Variants in WHAMM observed in about 807,000 individuals in gnomAD.
The protein encoded by WHAMM is WASP homolog associated with actin, golgi membranes and microtubules.
In WHAMM, 67 loss-of-function variants were observed where a neutral mutation model predicts 76.5. The observed-to-expected ratio is 0.88, with a 90% CI of 0.72 to 1.07. The LOEUF (loss-of-function observed/expected upper bound fraction) is 1.07. WHAMM is among the 50% of genes least tolerant of loss of function. WHAMM has a pLI of 0.00. For synonymous variants in WHAMM, 419 were observed against 422.1 expected (o/e 0.99, Z 0.09); for missense variants, 1,021 against 1,051.1 (o/e 0.97, Z 0.40).
At chr15:82,830,552 T>A (rs1241509514) in intron 8 of WHAMM, 47 bp from the exon 9 acceptor site, 1 of 1,576,512 alleles carries the variant, frequency 6.3e-7, no homozygotes. Context: ...AGCATTTTGA[T>A]GGTTTGCACT....
chr15:82,817,268 A>G (rs1218351231), intron 3 of WHAMM, among the ~76,000 whole-genome samples: 2 of 152,234 alleles, frequency 1.3e-5, no homozygotes, highest in East Asian at 3.8e-4. Context: ...AAGTTGGCAA[A>G]TTAGGAGCTT....
In WHAMM at chr15:82,833,490, C is replaced by CT; in HGVS notation, c.2385dup (p.Glu796Ter). On this transcript the variant is annotated frameshift_variant, in exon 10 of 10. Coordinates refer to ENST00000286760, the MANE Select transcript of WHAMM (RefSeq NM_001080435.3). LOFTEE classifies it high-confidence loss of function. ...AGAATCAAGAGGGTGTCTGCTGACT[C>CT]TGAGGAGGACAGTGATGAGCAGGAC... 6.2e-7 allele frequency: 1 copy of CT among 1,613,988 alleles called. No individual in the cohort carries two copies. The highest frequency in any genetic ancestry group is 1.1e-5 in the South Asian group (1 of 91,076).
intron 5 of WHAMM, among the ~76,000 whole-genome samples, chr15:82,820,028 G>GA (rs777345181): frequency 4.6e-4 from 62 of 134,034 alleles, no homozygotes; most frequent in Non-Finnish European, 5.4e-4. Context: ...TCTTGAAAAG[G>GA]AAAAAAAAAA....
At position 82,814,960 on chromosome 15, in the gene WHAMM, T is replaced by C. The variant is rs187075148; in HGVS notation, c.783+1684T>C. ...AATTTTTTTGTATTTTTAGTAGAGA[T>C]GGGGTTTCAACATGTTAGCCAGGAT... On this transcript the variant is annotated intron_variant, in intron 2 of 9. Coordinates refer to ENST00000286760, the MANE Select transcript of WHAMM (RefSeq NM_001080435.3). Among the ~76,000 whole-genome samples the C allele has an allele frequency of 3.9e-3, 575 of 148,746 alleles. 10 individuals carry two copies. The East Asian group carries it at 0.066, about 17-fold the overall frequency.
rs1340419921 is a variant in WHAMM, at chr15:82,831,061, G to A, written c.2104G>A (p.Glu702Lys). 2 of 1,607,426 alleles carry A rather than the reference G, an allele frequency of 1.2e-6. No homozygotes were observed. The highest frequency in any genetic ancestry group is 1.7e-6 in the Non-Finnish European group (2 of 1,179,626). The change falls in exon 9 of 10, where the codon GAA becomes AAA. Residue 702 changes from glutamate to lysine, a missense_variant. Glu to Lys is a moderately conservative substitution (Grantham distance 56, BLOSUM62 1). This residue lies in a region of WHAMM where 509 missense variants were observed against 492.3 expected (regional missense o/e 1.03). Transcript: ENST00000286760. ...SPAERPRDSL[E>K]SFSCPGSMDE... Reference sequence around the variant, plus strand: ...TGCTGAGCGACCACGTGACTCCTTGGAAAGTTTTTCATGTCCAGGTAATCC... The same window carrying A: ...TGCTGAGCGACCACGTGACTCCTTGAAAAGTTTTTCATGTCCAGGTAATCC...
chr15:82,816,942 C>G, intron 3 of WHAMM, 100 bp downstream of exon 3: 1 of 1,217,360 alleles, frequency 8.2e-7, no homozygotes, highest in Non-Finnish European at 1.1e-6. Flanking sequence ...ACTATGTTTT[C>G]TAGGTGCTGA....
At chr15:82,819,977 G>A (rs764855954) in intron 5 of WHAMM, among the ~76,000 whole-genome samples, 6 of 151,398 alleles carry the variant, frequency 4.0e-5, no homozygotes, top group African/African-American at 1.2e-4. Context: ...AGCCAAGATC[G>A]TGCCACTCCA....
intron 5 of WHAMM, among the ~76,000 whole-genome samples, chr15:82,821,359 C>T (rs898458848): frequency 4.6e-5 from 7 of 152,230 alleles, no homozygotes; most frequent in East Asian, 1.9e-4. Context: ...GTTTTCTTTT[C>T]GTATGTTTAT....
At chr15:82,823,426 A>G in intron 6 of WHAMM, 139 bp downstream of exon 6, 3 of 701,564 alleles carry the variant, frequency 4.3e-6, no homozygotes, top group Non-Finnish European at 6.1e-6. Flanking sequence ...CCATGGCTAT[A>G]GTTAAAATGC....
At chr15:82,824,134 A>AT (rs1022613814) in intron 6 of WHAMM, among the ~76,000 whole-genome samples, 12 of 137,220 alleles carry the variant, frequency 8.7e-5, no homozygotes, top group African/African-American at 3.2e-4. Context: ...TTTTATATGT[A>AT]TTTACTCATA....
chr15:82,832,753 C>T (rs541009118), intron 9 of WHAMM, among the ~76,000 whole-genome samples: 1 of 152,286 alleles, frequency 6.6e-6, no homozygotes, highest in South Asian at 2.1e-4. Flanking sequence ...TCATCACTGA[C>T]TAATACCCAA....
intron 5 of WHAMM, among the ~76,000 whole-genome samples, chr15:82,820,008 C>T (rs1431167036): frequency 6.7e-6 from 1 of 149,380 alleles, no homozygotes; most frequent in Non-Finnish European, 1.5e-5. Flanking sequence ...GACAACAGGG[C>T]GAGACTCCAT....
intron 8 of WHAMM, among the ~76,000 whole-genome samples, chr15:82,829,791 A>C (rs1566998497): frequency 6.6e-6 from 1 of 152,000 alleles, no homozygotes; most frequent in South Asian, 2.1e-4. Flanking sequence ...TTTGAGATAT[A>C]TTCATGTTAA....
intron 5 of WHAMM, among the ~76,000 whole-genome samples, chr15:82,822,837 TAC>T (rs57272275): frequency 6.6e-5 from 10 of 151,746 alleles, no homozygotes; most frequent in Non-Finnish European, 1.0e-4. Context: ...TATATATATA[TAC>T]ACACATATGT....
Position 82,833,601 on chromosome 15 carries a change from T to G in WHAMM, c.*65T>G, listed in dbSNP as rs1302753977. On this transcript the variant is annotated 3_prime_UTR_variant, in exon 10 of 10. Transcript: ENST00000286760. ...ATAAAGTGGGTGAGTCTTAGACCTATCGAAAAGCATACTAACAGGGTGCTG... is the reference window on the plus strand; with the variant it reads ...ATAAAGTGGGTGAGTCTTAGACCTAGCGAAAAGCATACTAACAGGGTGCTG... The G allele has an allele frequency of 2.6e-6, 4 of 1,529,714 alleles. No homozygotes were observed. The highest frequency in any genetic ancestry group is 3.5e-6 in the Non-Finnish European group (4 of 1,134,572). The allele number at this position is 1,529,714 out of a possible 1,614,324, so 94.8% of individuals were successfully genotyped here.
chr15:82,810,346 C>A lies in WHAMM; in HGVS notation c.609+11C>A. 7.7e-7 allele frequency: 1 copy of A among 1,305,900 alleles called. No individual in the cohort carries two copies. 80.9% of individuals were successfully genotyped at this position (1,305,900 alleles called of 1,614,324 possible). ...GCGCGGCTGCGCCAGGTAAGCGAGGCCCGGTCGCCGGCGTTCGTCCGCGCT... is the reference window on the plus strand; with the variant it reads ...GCGCGGCTGCGCCAGGTAAGCGAGGACCGGTCGCCGGCGTTCGTCCGCGCT... On this transcript the variant is annotated intron_variant, in intron 1 of 9. Coordinates refer to ENST00000286760, the MANE Select transcript of WHAMM (RefSeq NM_001080435.3).
intron 6 of WHAMM, among the ~76,000 whole-genome samples, chr15:82,824,349 A>G (rs1272147936): frequency 1.3e-5 from 2 of 150,678 alleles, no homozygotes; most frequent in Non-Finnish European, 1.5e-5. Context: ...TATTTTTGAG[A>G]TGGGAGTCTC....
chr15:82,832,909 C>G (rs780157637), intron 9 of WHAMM, among the ~76,000 whole-genome samples: 5 of 152,166 alleles, frequency 3.3e-5, no homozygotes, highest in African/African-American at 7.2e-5. Flanking sequence ...TAACACTCTT[C>G]AGGATGGGAG....
intron 1 of WHAMM, chr15:82,810,768 G>C (rs1252808410): frequency 1.2e-5 from 12 of 985,158 alleles, no homozygotes; most frequent in Non-Finnish European, 1.4e-5. Context: ...TTTAGAGGAA[G>C]AAATGGCTTT....
Sources: gnomAD v4.1 joint callset for allele counts (sites outside exome capture counted in the v4.1 genomes callset) on GRCh38, gnomAD v4.1.1 for gene constraint, gnomAD v4.1.1 regional missense constraint, MANE v1.5 for transcripts, NCBI Gene and HGNC (gene_info 2026-07-23, HGNC 2026-07-21) for gene names.